PLPP1: variants seen among roughly 807,000 people sequenced by gnomAD.
PLPP1 encodes the protein lipid phosphate phosphohydrolase 1a.
A neutral mutation model predicts 31.2 loss-of-function variants in PLPP1; 24 were observed. The observed-to-expected ratio is 0.77, with a 90% CI of 0.56 to 1.08. The LOEUF (loss-of-function observed/expected upper bound fraction) is 1.08, where lower values mean the gene tolerates loss of function less well. Ranked by LOEUF, PLPP1 falls within the 50% of genes least tolerant of loss-of-function variation. The pLI is 0.00. For missense variants in PLPP1, 319 were observed against 342.7 expected (o/e 0.93, Z 0.55); for synonymous variants, 146 against 126.3 (o/e 1.16, Z -1.05).
intron 1 of PLPP1, among the ~76,000 whole-genome samples, chr5:55,510,758 G>A (rs1393227894): frequency 1.3e-5 from 2 of 152,136 alleles, no homozygotes; most frequent in Admixed American, 1.3e-4. Context: ...ATATCTGGCT[G>A]GGTTTACTTC....
intron 3 of PLPP1, among the ~76,000 whole-genome samples, chr5:55,443,190 A>ATATATATATATATATATATAT: frequency 4.9e-5 from 1 of 20,416 alleles, no homozygotes; most frequent in Non-Finnish European, 1.4e-4. Flanking sequence ...AAAAAAAAAA[A>ATATATATATATATATATATAT]AAATATATAT....
In PLPP1 at chr5:55,467,994, T is replaced by C; in HGVS notation, c.366A>G (p.Ser122=). The change falls in exon 3 of 6, where the codon TCA becomes TCG. Residue 122 remains serine, a synonymous_variant. Transcript: ENST00000307259. ...AGAAGTGAGGCCGCAGTCTGCCTATTGAATACTTGGCAATGTCAGTCAGGG... is the reference window on the plus strand; with the variant it reads ...AGAAGTGAGGCCGCAGTCTGCCTATCGAATACTTGGCAATGTCAGTCAGGG... ...SQSLTDIAKY[S]IGRLRPHFLD... 1.2e-6 allele frequency: 2 copies of C among 1,614,180 alleles called. No homozygotes were observed. The highest frequency in any genetic ancestry group is 1.7e-6 in the Non-Finnish European group (2 of 1,180,012).
intron 1 of PLPP1, among the ~76,000 whole-genome samples, chr5:55,522,427 G>T (rs35785311): frequency 6.6e-6 from 1 of 151,982 alleles, no homozygotes; most frequent in South Asian, 2.1e-4. Context: ...ACAGAGTCTC[G>T]CTCTGTTGCC....
intron 2 of PLPP1, among the ~76,000 whole-genome samples, chr5:55,473,161 CTCCT>C (rs1428479473): frequency 6.6e-6 from 1 of 152,212 alleles, no homozygotes; most frequent in Non-Finnish European, 1.5e-5. Flanking sequence ...ACCCTACTCC[CTCCT>C]TAATGGAAGA....
chr5:55,443,192 A>AAATATATAT, intron 3 of PLPP1, among the ~76,000 whole-genome samples: 36 of 25,436 alleles, frequency 1.4e-3, no homozygotes, highest in South Asian at 2.5e-3. Context: ...AAAAAAAAAA[A>AAATATATAT]ATATATATAT....
intron 1 of PLPP1, among the ~76,000 whole-genome samples, chr5:55,510,438 C>A (rs2111907403): frequency 6.6e-6 from 1 of 152,328 alleles, no homozygotes; most frequent in South Asian, 2.1e-4. Flanking sequence ...GGAGGTAACA[C>A]ACCAATTCAG....
At chr5:55,509,956 C>T (rs968202029) in intron 1 of PLPP1, among the ~76,000 whole-genome samples, 1 of 152,144 alleles carries the variant, frequency 6.6e-6, no homozygotes, top group Admixed American at 6.5e-5. Context: ...AAACCGGCCA[C>T]GTGATTTTTA....
chr5:55,486,472 G>C (rs1320426754), intron 1 of PLPP1, among the ~76,000 whole-genome samples: 1 of 151,912 alleles, frequency 6.6e-6, no homozygotes, highest in Non-Finnish European at 1.5e-5. Flanking sequence ...TGTAGTCCCA[G>C]CTACTTGGAA....
chr5:55,530,416 G>C, intron 1 of PLPP1: 1 of 1,262,160 alleles, frequency 7.9e-7, no homozygotes, highest in Non-Finnish European at 1.2e-6. Flanking sequence ...TGACACAGGG[G>C]ACACTTATAA....
intron 2 of PLPP1, among the ~76,000 whole-genome samples, chr5:55,473,440 T>C (rs1212506595): frequency 2.0e-5 from 3 of 152,206 alleles, no homozygotes; most frequent in African/African-American, 7.2e-5. Context: ...AATATCTATA[T>C]ACAAAGGTTT....
intron 4 of PLPP1, among the ~76,000 whole-genome samples, chr5:55,428,699 A>AT (rs1198697653): frequency 1.3e-5 from 2 of 152,212 alleles, no homozygotes; most frequent in East Asian, 1.9e-4. Context: ...TACAGGGGAC[A>AT]CAGCTCATGC....
chr5:55,502,603 T>C (rs963322311), intron 1 of PLPP1, among the ~76,000 whole-genome samples: 4 of 152,188 alleles, frequency 2.6e-5, no homozygotes, highest in African/African-American at 9.7e-5. Context: ...GAACTTTCAA[T>C]TGTATTAAAT....
Position 55,534,552 on chromosome 5 carries a change from A to G in PLPP1, c.58+20T>C, listed in dbSNP as rs11745331. The G allele has an allele frequency of 0.89, 1,362,044 of 1,528,268 alleles. 607,887 individuals are homozygous for G. Among genetic ancestry groups the G allele is most frequent in the Admixed American group, 0.93 (45,981 of 49,408 alleles). The allele number at this position is 1,528,268 out of a possible 1,614,324, so 94.7% of individuals were successfully genotyped here. Reference sequence around the variant, plus strand: ...CGGGACAGCCGCACACGCCCCTCGGACCCGGCGGCGCGTACGTACCCAGCA... The same window carrying G: ...CGGGACAGCCGCACACGCCCCTCGGGCCCGGCGGCGCGTACGTACCCAGCA... On this transcript the variant is annotated intron_variant, in intron 1 of 5. Transcript: ENST00000307259.
At chr5:55,449,988 C>A (rs948607183) in intron 3 of PLPP1, among the ~76,000 whole-genome samples, 22 of 152,034 alleles carry the variant, frequency 1.4e-4, no homozygotes, top group African/African-American at 3.9e-4. Flanking sequence ...ATTATATAGA[C>A]TCATCTTATT....
chr5:55,527,849 A>AG (rs34858777), intron 1 of PLPP1, among the ~76,000 whole-genome samples: 118,171 of 152,020 alleles, frequency 0.78, 47,013 homozygotes, highest in Non-Finnish European at 0.87. Flanking sequence ...AACTACTCAC[A>AG]GAACAGCTTT....
intron 1 of PLPP1, among the ~76,000 whole-genome samples, chr5:55,489,154 C>T (rs1302922848): frequency 6.6e-6 from 1 of 152,140 alleles, no homozygotes; most frequent in Non-Finnish European, 1.5e-5. Flanking sequence ...GCCAAGATTA[C>T]ACAATTGCAC....
chr5:55,483,047 CACA>C (rs1238984326), intron 1 of PLPP1, among the ~76,000 whole-genome samples: 2 of 152,174 alleles, frequency 1.3e-5, no homozygotes, highest in East Asian at 1.9e-4. Context: ...TGTGGTATTC[CACA>C]ACAATTCAAC....
chr5:55,513,499 T>C (rs1255051757), intron 1 of PLPP1, among the ~76,000 whole-genome samples: 1 of 152,080 alleles, frequency 6.6e-6, no homozygotes, highest in East Asian at 1.9e-4. Context: ...CTCGAACTCC[T>C]AACCCCAGGT....
intron 4 of PLPP1, among the ~76,000 whole-genome samples, chr5:55,429,262 C>T (rs539161352): frequency 1.7e-5 from 1 of 58,036 alleles, no homozygotes; most frequent in African/African-American, 3.9e-5. Context: ...AGATGGCTGA[C>T]TAAAGTGCCC....
Sources: gnomAD v4.1 joint callset for allele counts (sites outside exome capture counted in the v4.1 genomes callset) on GRCh38, gnomAD v4.1.1 for gene constraint, MANE v1.5 for transcripts, NCBI Gene and HGNC (gene_info 2026-07-23, HGNC 2026-07-21) for gene names.